The following LIPC variants were observed in gnomAD, a reference collection of about 807,000 sequenced individuals.
LIPC encodes hepatic triacylglycerol lipase.
Under a neutral mutation model 50.7 loss-of-function variants are expected in LIPC, and 44 were observed. The observed-to-expected ratio is 0.87, with a 90% CI of 0.68 to 1.11. The LOEUF is 1.11. Among genes scored for constraint, LIPC ranks in the 50% most tolerant of loss-of-function variants. LIPC has a pLI of 0.00. For synonymous variants in LIPC, 271 were observed against 256.4 expected, an observed-to-expected ratio of 1.06 and a Z score of -0.54; for missense variants, 697 against 648.2, an observed-to-expected ratio of 1.08 and a Z score of -0.82.
intron 6 of LIPC, among the ~76,000 whole-genome samples, chr15:58,558,916 TTAG>T (rs1159917970): frequency 6.6e-6 from 1 of 152,204 alleles, no homozygotes; most frequent in Non-Finnish European, 1.5e-5. Context: ...GATAACCCCT[TTAG>T]TAAACCCAAG....
At chr15:58,542,772 T>G in intron 4 of LIPC, 121 bp downstream of exon 4, 2 of 715,696 alleles carry the variant, frequency 2.8e-6, no homozygotes, top group Admixed American at 3.7e-5. Context: ...GGATCAGCGC[T>G]CATGAGAGGA....
At chr15:58,498,272 C>T (rs1192168691) in intron 1 of LIPC, among the ~76,000 whole-genome samples, 1 of 152,132 alleles carries the variant, frequency 6.6e-6, no homozygotes, top group African/African-American at 2.4e-5. Context: ...CTGGACCCCA[C>T]CTCGCAAGGA....
intron 1 of LIPC, among the ~76,000 whole-genome samples, chr15:58,463,649 A>T (rs114343165): frequency 1.7e-4 from 26 of 152,238 alleles, no homozygotes; most frequent in African/African-American, 6.0e-4. Flanking sequence ...GTGTCCTGAG[A>T]TTGCGCAGGT....
In LIPC at chr15:58,517,465, C is replaced by A. The variant is rs547842102; in HGVS notation, c.89-20868C>A. ...AACTTTCAGTGCTAAAAAGGCCCTG[C>A]TTTTCTGGAGCGAACCCCTTCAGAG... On this transcript the variant is annotated intron_variant, in intron 1 of 8. Transcript: ENST00000299022. Among the ~76,000 whole-genome samples the A allele has an allele frequency of 1.6e-4, 25 of 152,348 alleles. 2 individuals are homozygous for A. In the South Asian group the frequency reaches 4.8e-3, roughly 29 times the overall value.
At chr15:58,436,365 A>T (rs1595843129) in intron 1 of LIPC, 1 of 201,000 alleles carries the variant, frequency 5.0e-6, no homozygotes, top group Admixed American at 5.6e-5. Context: ...ATGTGTTTAA[A>T]ATTTAAAGCA....
intron 1 of LIPC, among the ~76,000 whole-genome samples, chr15:58,526,003 C>T (rs781642783): frequency 1.3e-5 from 2 of 152,204 alleles, no homozygotes; most frequent in Non-Finnish European, 2.9e-5. Flanking sequence ...CATCTGTAAA[C>T]GTGCCCAGAA....
chr15:58,486,398 T>G (rs1891378329), intron 1 of LIPC, among the ~76,000 whole-genome samples: 1 of 152,204 alleles, frequency 6.6e-6, no homozygotes, highest in Non-Finnish European at 1.5e-5. Context: ...TAGTTAGGCA[T>G]GTGGATTGCC....
At chr15:58,531,640 A>AAAAC (rs1361942788) in intron 1 of LIPC, among the ~76,000 whole-genome samples, 3 of 151,148 alleles carry the variant, frequency 2.0e-5, no homozygotes, top group Admixed American at 6.6e-5. Flanking sequence ...AAAAAAAAAA[A>AAAAC]AAAACCCCAG....
At chr15:58,470,817 G>T (rs2140740166) in intron 1 of LIPC, among the ~76,000 whole-genome samples, 1 of 152,058 alleles carries the variant, frequency 6.6e-6, no homozygotes, top group South Asian at 2.1e-4. Context: ...CAGCCAGGAT[G>T]GTCTTGATCT....
chr15:58,540,152 A>G (rs1893272617), intron 2 of LIPC, among the ~76,000 whole-genome samples: 1 of 152,246 alleles, frequency 6.6e-6, no homozygotes, highest in Non-Finnish European at 1.5e-5. Flanking sequence ...ATTAAAGATC[A>G]AATGAATGAG....
In LIPC at chr15:58,551,828, T is replaced by A. The variant is rs117724961; in HGVS notation, c.1051+3256T>A. Among the ~76,000 whole-genome samples the A allele has an allele frequency of 5.3e-4, 81 of 152,310 alleles. No homozygotes were observed. The East Asian group carries it at 0.011, about 21-fold the overall frequency. ...GATAAACATCGCCTCCTGATTGTAGTTTCACAAAGGATGACTAACTTGGCC... is the reference window on the plus strand; with the variant it reads ...GATAAACATCGCCTCCTGATTGTAGATTCACAAAGGATGACTAACTTGGCC... On this transcript the variant is annotated intron_variant, in intron 6 of 8. Coordinates refer to ENST00000299022, the MANE Select transcript of LIPC (RefSeq NM_000236.3).
At chr15:58,490,186 T>A (rs1414678974) in intron 1 of LIPC, among the ~76,000 whole-genome samples, 1 of 152,136 alleles carries the variant, frequency 6.6e-6, no homozygotes, top group African/African-American at 2.4e-5. Flanking sequence ...GTGACAGGGT[T>A]AGGACTTAAA....
chr15:58,540,275 C>T (rs578073257), intron 2 of LIPC, among the ~76,000 whole-genome samples: 131 of 152,334 alleles, frequency 8.6e-4, no homozygotes, highest in African/African-American at 3.0e-3. Flanking sequence ...GTCTCCTCCT[C>T]CTATTACTGC....
intron 8 of LIPC, chr15:58,565,716 G>T (rs1456563159): frequency 9.0e-6 from 9 of 995,118 alleles, no homozygotes; most frequent in Non-Finnish European, 1.1e-5. Context: ...CATTAGTTTT[G>T]GTTCCATTAA....
chr15:58,530,584 C>T (rs889746146), intron 1 of LIPC, among the ~76,000 whole-genome samples: 1 of 152,236 alleles, frequency 6.6e-6, no homozygotes, highest in Non-Finnish European at 1.5e-5. Flanking sequence ...TAAATGTGCA[C>T]TTGTGTAACC....
intron 1 of LIPC, among the ~76,000 whole-genome samples, chr15:58,478,303 A>G (rs1891067424): frequency 6.6e-6 from 1 of 152,180 alleles, no homozygotes; most frequent in Non-Finnish European, 1.5e-5. Flanking sequence ...CAGTGGCATA[A>G]TCTCGGCTCA....
chr15:58,436,815 A>T (rs1893314328), intron 1 of LIPC: 1 of 456,200 alleles, frequency 2.2e-6, no homozygotes, highest in African/African-American at 2.0e-5. Flanking sequence ...TGGTATCCGG[A>T]CAGAAGAGAA....
At chr15:58,439,434 C>A (rs1893427562) in intron 1 of LIPC, among the ~76,000 whole-genome samples, 2 of 152,036 alleles carry the variant, frequency 1.3e-5, no homozygotes, top group Admixed American at 6.5e-5. Context: ...ACCTAAAAGG[C>A]TGCTTTTTTT....
At chr15:58,567,294 C>CACAT (rs1566955057) in intron 8 of LIPC, among the ~76,000 whole-genome samples, 20 of 76,828 alleles carry the variant, frequency 2.6e-4, no homozygotes, top group Admixed American at 4.1e-4. Context: ...TATATATATA[C>CACAT]ATATATATAT....
Sources: allele counts gnomAD v4.1 joint callset (sites outside exome capture counted in the v4.1 genomes callset), GRCh38; gene constraint gnomAD v4.1.1; transcripts MANE v1.5; gene names NCBI Gene and HGNC (gene_info 2026-07-23, HGNC 2026-07-21).